The following MAP2 variants were observed in gnomAD, a reference collection of about 807,000 sequenced individuals.
MAP2 encodes microtubule-associated protein 2.
Under a neutral mutation model 137.6 loss-of-function variants are expected in MAP2, and 14 were observed. The ratio of observed to expected loss-of-function variants is 0.10; its 90% CI spans 0.07 to 0.16. The LOEUF is 0.16. Ranked by LOEUF, MAP2 falls within the 10% of genes least tolerant of loss-of-function variation. MAP2 has a pLI of 1.00. For missense variants in MAP2, 2,088 were observed against 2,191.5 expected (o/e 0.95, Z 0.94); for synonymous variants, 786 against 782.3 (o/e 1.00, Z -0.08).
chr2:209,507,211 C>G (rs565703193), intron 1 of MAP2, among the ~76,000 whole-genome samples: 2 of 151,948 alleles, frequency 1.3e-5, no homozygotes, highest in African/African-American at 4.8e-5. Context: ...GATCAAAATG[C>G]CTGAGTTTTA....
At chr2:209,461,434 C>T (rs1397557448) in intron 1 of MAP2, among the ~76,000 whole-genome samples, 1 of 152,100 alleles carries the variant, frequency 6.6e-6, no homozygotes, top group Admixed American at 6.6e-5. Flanking sequence ...AATAATTCCC[C>T]TGTTTAAAAT....
chr2:209,613,757 A>T (rs1198336735), intron 3 of MAP2, among the ~76,000 whole-genome samples: 1 of 152,178 alleles, frequency 6.6e-6, no homozygotes, highest in African/African-American at 2.4e-5. Context: ...AGCTCTAAAA[A>T]ACATTCTAAC....
intron 4 of MAP2, among the ~76,000 whole-genome samples, chr2:209,646,223 A>C (rs1353289812): frequency 1.3e-5 from 2 of 152,220 alleles, no homozygotes; most frequent in African/African-American, 4.8e-5. Context: ...AAAGAAAATA[A>C]AAGAAATAAG....
chr2:209,542,883 A>G (rs961898041), intron 2 of MAP2, among the ~76,000 whole-genome samples: 2 of 152,246 alleles, frequency 1.3e-5, no homozygotes, highest in African/African-American at 2.4e-5. Context: ...TTCCATATCA[A>G]CAATAAGGCT....
chr2:209,619,023 G>T (rs758408149), intron 3 of MAP2, among the ~76,000 whole-genome samples: 1 of 152,128 alleles, frequency 6.6e-6, no homozygotes, highest in Non-Finnish European at 1.5e-5. Flanking sequence ...GACAGACTCA[G>T]AAAGACATAT....
At position 209,695,690 on chromosome 2, in the gene MAP2, C is replaced by A; in HGVS notation, c.3520C>A (p.Pro1174Thr). The change falls in exon 8 of 16, where the codon CCT becomes ACT. Residue 1174 changes from proline to threonine, a missense_variant. Transcript: ENST00000682079. ...TGCCGTCAAATTGTCAGTGGAAATACCTTGCCCACCTGCTGTTTCAGAGGC... is the reference window on the plus strand; with the variant it reads ...TGCCGTCAAATTGTCAGTGGAAATAACTTGCCCACCTGCTGTTTCAGAGGC... ...EIAVKLSVEI[P>T]CPPAVSEADL... 1 of 1,614,080 alleles carries A rather than the reference C, an allele frequency of 6.2e-7. No homozygotes were observed. Among genetic ancestry groups the A allele is most frequent in the Non-Finnish European group, 8.5e-7 (1 of 1,180,006 alleles).
chr2:209,524,889 G>A (rs1229818621), intron 2 of MAP2, among the ~76,000 whole-genome samples: 2 of 151,916 alleles, frequency 1.3e-5, no homozygotes, highest in East Asian at 3.9e-4. Context: ...GTTGTTGGTG[G>A]ATCTCTCTTA....
chr2:209,697,924 C>T (rs1014111233), intron 10 of MAP2, among the ~76,000 whole-genome samples: 1 of 152,148 alleles, frequency 6.6e-6, no homozygotes, highest in Non-Finnish European at 1.5e-5. Flanking sequence ...CCTCGGCTCA[C>T]TGAAACCTCC....
chr2:209,685,909 A>T (rs975465178), intron 7 of MAP2, among the ~76,000 whole-genome samples: 2 of 152,196 alleles, frequency 1.3e-5, no homozygotes, highest in Non-Finnish European at 2.9e-5. Flanking sequence ...CTTTAATTTT[A>T]TACTATAGTC....
rs554264623 is a variant in MAP2 at position 209,692,554 on chromosome 2, A to G, written c.455-71A>G. 6 of 1,478,336 alleles carry G rather than the reference A, an allele frequency of 4.1e-6. No homozygotes were observed. The East Asian group carries it at 1.4e-4, about 34-fold the overall frequency. The allele number at this position is 1,478,336 out of a possible 1,614,324, so 91.6% of individuals were successfully genotyped here. A position where few individuals can be genotyped will look rare whatever the true frequency, so the allele number is the denominator to read the frequency against. Reference sequence around the variant, plus strand: ...TCTACCATTCATTTATCACTTCAAAATATAATTTTAAGCTTATTTCCTGAA... The same window carrying G: ...TCTACCATTCATTTATCACTTCAAAGTATAATTTTAAGCTTATTTCCTGAA... On this transcript the variant is annotated intron_variant, in intron 7 of 15. Transcript: ENST00000682079.
In MAP2 at chr2:209,588,412, A is replaced by G. The variant is rs527692607; in HGVS notation, c.-107+8312A>G. ...TTCAGATTCTCTCCTGGTGTTAATG[A>G]CTACATTATGACCATTTTAAAAAGC... On this transcript the variant is annotated intron_variant, in intron 3 of 15. Transcript: ENST00000682079. 3.3e-5 allele frequency among the ~76,000 whole-genome samples: 5 copies of G among 152,286 alleles called. No homozygotes were observed. In the South Asian group the frequency reaches 1.0e-3, roughly 32 times the overall value.
At chr2:209,679,846 G>A (rs2053773814) in intron 6 of MAP2, among the ~76,000 whole-genome samples, 1 of 151,860 alleles carries the variant, frequency 6.6e-6, no homozygotes, top group Non-Finnish European at 1.5e-5. Flanking sequence ...CTTAAAATAC[G>A]CCATGCAGAA....
intron 1 of MAP2, among the ~76,000 whole-genome samples, chr2:209,488,974 C>A (rs1401297511): frequency 6.6e-6 from 1 of 152,184 alleles, no homozygotes; most frequent in African/African-American, 2.4e-5. Flanking sequence ...GGGTCCCTGA[C>A]CCCCGTGCCA....
chr2:209,587,793 T>C (rs1470584982), intron 3 of MAP2, among the ~76,000 whole-genome samples: 1 of 152,184 alleles, frequency 6.6e-6, no homozygotes, highest in East Asian at 1.9e-4. Flanking sequence ...AAGGGGCTAG[T>C]TCTCTCTCTG....
At chr2:209,711,770 A>G (rs2065569986) in intron 13 of MAP2, among the ~76,000 whole-genome samples, 1 of 152,124 alleles carries the variant, frequency 6.6e-6, no homozygotes, top group African/African-American at 2.4e-5. Flanking sequence ...ATTTAGTACC[A>G]TTTGGAAAGT....
chr2:209,585,585 C>G (rs1176252568), intron 3 of MAP2, among the ~76,000 whole-genome samples: 4 of 152,016 alleles, frequency 2.6e-5, no homozygotes, highest in Non-Finnish European at 5.9e-5. Context: ...ATTTTGAATT[C>G]TGCCTTTTTT....
intron 2 of MAP2, among the ~76,000 whole-genome samples, chr2:209,521,360 A>G (rs539578456): frequency 1.3e-5 from 2 of 151,922 alleles, no homozygotes; most frequent in Non-Finnish European, 2.9e-5. Flanking sequence ...AAATACATCA[A>G]TTGATGGTTT....
chr2:209,718,197 A>G (rs2068553435), intron 13 of MAP2, among the ~76,000 whole-genome samples: 1 of 152,166 alleles, frequency 6.6e-6, no homozygotes, highest in African/African-American at 2.4e-5. Context: ...AAAAATTATG[A>G]GAAAATTACC....
At chr2:209,426,211 A>G (rs1417236204) in intron 1 of MAP2, among the ~76,000 whole-genome samples, 2 of 152,180 alleles carry the variant, frequency 1.3e-5, no homozygotes, top group African/African-American at 2.4e-5. Flanking sequence ...GTTTGCTACA[A>G]TATTATTTAA....
Sources: gnomAD v4.1 joint callset for allele counts (sites outside exome capture counted in the v4.1 genomes callset) on GRCh38, gnomAD v4.1.1 for gene constraint, MANE v1.5 for transcripts, NCBI Gene and HGNC (gene_info 2026-07-23, HGNC 2026-07-21) for gene names.